Variants in AIG1 observed in about 807,000 individuals in gnomAD.
AIG1 encodes androgen-induced gene 1 protein.
AIG1 carries 23 observed loss-of-function variants against 31.4 expected under a neutral mutation model. The observed-to-expected ratio is 0.73, with a 90% confidence interval of 0.53 to 1.04. The LOEUF is 1.04. Among genes scored for constraint, AIG1 ranks in the 50% least tolerant of loss-of-function variants. AIG1 has a pLI of 0.00. For missense variants in AIG1, 274 were observed against 295.0 expected (o/e 0.93, Z 0.52); for synonymous variants, 100 against 110.5 (o/e 0.90, Z 0.60).
intron 3 of AIG1, among the ~76,000 whole-genome samples, chr6:143,264,934 G>T (rs73594170): frequency 0.012 from 1,841 of 152,174 alleles, 25 homozygotes; most frequent in African/African-American, 0.042. Context: ...TTGCAGCTTC[G>T]CAATGACAAC....
chr6:143,290,896 A>C (rs1296459589), intron 4 of AIG1, among the ~76,000 whole-genome samples: 1 of 151,932 alleles, frequency 6.6e-6, no homozygotes, highest in South Asian at 2.1e-4. Context: ...ACTTACTATC[A>C]CCAAGGCCAT....
chr6:143,121,980 G>GA (rs1247863915), intron 1 of AIG1, among the ~76,000 whole-genome samples: 3 of 152,068 alleles, frequency 2.0e-5, no homozygotes, highest in Admixed American at 6.5e-5. Flanking sequence ...GTATTCTGGT[G>GA]AAAAAATTAT....
intron 3 of AIG1, among the ~76,000 whole-genome samples, chr6:143,213,508 C>CTTTTTTTTT (rs746350692): frequency 6.5e-5 from 4 of 61,200 alleles, no homozygotes; most frequent in Non-Finnish European, 1.0e-4. Context: ...TTTCTTTCTT[C>CTTTTTTTTT]TTTTTTTTTT....
chr6:143,067,652 C>T (rs1776837338), intron 1 of AIG1, among the ~76,000 whole-genome samples: 1 of 152,102 alleles, frequency 6.6e-6, no homozygotes. Flanking sequence ...TAGTTCATGA[C>T]TTAATTTTAA....
chr6:143,078,594 G>C (rs908239609), intron 1 of AIG1, among the ~76,000 whole-genome samples: 13 of 152,192 alleles, frequency 8.5e-5, no homozygotes, highest in Admixed American at 4.6e-4. Flanking sequence ...AAGGCAAAAG[G>C]CATGTCTTAC....
At chr6:143,225,914 G>A (rs1271560201) in intron 3 of AIG1, among the ~76,000 whole-genome samples, 1 of 152,054 alleles carries the variant, frequency 6.6e-6, no homozygotes, top group Non-Finnish European at 1.5e-5. Context: ...TTTTATAATT[G>A]TTTTATAGTC....
chr6:143,285,884 C>CT (rs1797652543), intron 4 of AIG1, among the ~76,000 whole-genome samples: 1 of 152,000 alleles, frequency 6.6e-6, no homozygotes, highest in African/African-American at 2.4e-5. Flanking sequence ...TACATATGAA[C>CT]TTATATTCAA....
intron 2 of AIG1, among the ~76,000 whole-genome samples, chr6:143,137,432 C>T (rs1783865609): frequency 6.6e-6 from 1 of 152,182 alleles, no homozygotes; most frequent in Non-Finnish European, 1.5e-5. Flanking sequence ...GGGGTTAGGG[C>T]TTCCACATAT....
chr6:143,148,083 G>A (rs1471616151), intron 2 of AIG1, among the ~76,000 whole-genome samples: 1 of 152,092 alleles, frequency 6.6e-6, no homozygotes, highest in African/African-American at 2.4e-5. Context: ...AATCAACCAG[G>A]CTTTGAACCC....
At chr6:143,180,581 A>G (rs779806162) in intron 3 of AIG1, among the ~76,000 whole-genome samples, 3 of 152,270 alleles carry the variant, frequency 2.0e-5, no homozygotes, top group Admixed American at 1.3e-4. Flanking sequence ...CAGTGATGCT[A>G]TAACAGGAAA....
chr6:143,080,395 G>GT (rs1778132550), intron 1 of AIG1, among the ~76,000 whole-genome samples: 1 of 152,158 alleles, frequency 6.6e-6, no homozygotes, highest in Non-Finnish European at 1.5e-5. Context: ...AGAGACAAAC[G>GT]TAACAAGGAG....
At chr6:143,180,579 C>G (rs1788629166) in intron 3 of AIG1, among the ~76,000 whole-genome samples, 1 of 152,144 alleles carries the variant, frequency 6.6e-6, no homozygotes, top group Non-Finnish European at 1.5e-5. Flanking sequence ...TTCAGTGATG[C>G]TATAACAGGA....
At chr6:143,078,212 C>T (rs967209827) in intron 1 of AIG1, among the ~76,000 whole-genome samples, 10 of 152,048 alleles carry the variant, frequency 6.6e-5, no homozygotes, top group African/African-American at 9.7e-5. Flanking sequence ...AAATGTCCAC[C>T]GGGTTCCATT....
At chr6:143,216,391 A>C (rs1792032941) in intron 3 of AIG1, among the ~76,000 whole-genome samples, 1 of 152,208 alleles carries the variant, frequency 6.6e-6, no homozygotes, top group African/African-American at 2.4e-5. Flanking sequence ...ACAAAAGGCA[A>C]GGCCTGTAGG....
At chr6:143,204,716 A>C (rs765726534) in intron 3 of AIG1, among the ~76,000 whole-genome samples, 1 of 152,144 alleles carries the variant, frequency 6.6e-6, no homozygotes, top group Non-Finnish European at 1.5e-5. Context: ...GTCCTGAACA[A>C]TGTGCGGAGT....
intron 3 of AIG1, among the ~76,000 whole-genome samples, chr6:143,262,863 A>G (rs1023377209): frequency 6.6e-6 from 1 of 152,180 alleles, no homozygotes; most frequent in Non-Finnish European, 1.5e-5. Flanking sequence ...TCAGTTTTTC[A>G]AAAGTTCTCA....
chr6:143,063,167 T>G (rs9689661), intron 1 of AIG1, among the ~76,000 whole-genome samples: 5,906 of 152,232 alleles, frequency 0.039, 153 homozygotes, highest in African/African-American at 0.067. Flanking sequence ...CATAGTAGAG[T>G]CAGCTTGATA....
At chr6:143,083,867 T>G (rs550174260) in intron 1 of AIG1, among the ~76,000 whole-genome samples, 2 of 152,156 alleles carry the variant, frequency 1.3e-5, no homozygotes, top group Non-Finnish European at 2.9e-5. Flanking sequence ...ACAACAAACG[T>G]GTGTTCCTTC....
intron 1 of AIG1, among the ~76,000 whole-genome samples, chr6:143,086,028 T>G (rs532776052): frequency 6.6e-6 from 1 of 152,268 alleles, no homozygotes; most frequent in Non-Finnish European, 1.5e-5. Context: ...TGACTTAGAA[T>G]AGTTCTGAAC....
Sources: gnomAD v4.1 joint callset for allele counts (sites outside exome capture counted in the v4.1 genomes callset) on GRCh38, gnomAD v4.1.1 for gene constraint, MANE v1.5 for transcripts, NCBI Gene and HGNC (gene_info 2026-07-23, HGNC 2026-07-21) for gene names.